The following PDLIM5 variants were observed in gnomAD, a reference collection of about 807,000 sequenced individuals.
The protein encoded by PDLIM5 is PDZ and LIM domain protein 5.
In PDLIM5, 34 loss-of-function variants were observed where a neutral mutation model predicts 64.2. The observed-to-expected ratio is 0.53, with a 90% CI of 0.40 to 0.71. The LOEUF is 0.71. PDLIM5 is among the 30% of genes least tolerant of loss of function. The pLI, the probability that PDLIM5 is intolerant of heterozygous loss-of-function variation, is 0.00. For synonymous variants in PDLIM5, 253 were observed against 269.1 expected, an observed-to-expected ratio of 0.94 and a Z score of 0.59; for missense variants, 683 against 733.6, an observed-to-expected ratio of 0.93 and a Z score of 0.80.
At chr4:94,517,628 C>T (rs1245869949) in intron 2 of PDLIM5, among the ~76,000 whole-genome samples, 1 of 152,132 alleles carries the variant, frequency 6.6e-6, no homozygotes, top group African/African-American at 2.4e-5. Context: ...TGGGAAATTT[C>T]TGTTAGTGTT....
At chr4:94,604,896 A>T (rs1737794340) in intron 7 of PDLIM5, among the ~76,000 whole-genome samples, 1 of 152,210 alleles carries the variant, frequency 6.6e-6, no homozygotes, top group African/African-American at 2.4e-5. Flanking sequence ...CAAATTGTCC[A>T]TTGAATTTAG....
intron 2 of PDLIM5, among the ~76,000 whole-genome samples, chr4:94,504,337 G>A (rs145547737): frequency 0.023 from 3,530 of 151,838 alleles, 143 homozygotes; most frequent in African/African-American, 0.081. Flanking sequence ...CACCAGGTTG[G>A]AGTGCGGTGG....
intron 8 of PDLIM5, 148 bp downstream of exon 8, chr4:94,618,339 A>T (rs976360436): frequency 1.0e-5 from 5 of 478,808 alleles, no homozygotes; most frequent in Non-Finnish European, 1.8e-5. Context: ...AACTATAGCT[A>T]TTTTTCTCTC....
At chr4:94,513,866 T>TA (rs1287638854) in intron 2 of PDLIM5, among the ~76,000 whole-genome samples, 2 of 152,168 alleles carry the variant, frequency 1.3e-5, no homozygotes, top group African/African-American at 4.8e-5. Context: ...GGGTCTGTCA[T>TA]ATATGGCTTT....
intron 8 of PDLIM5, among the ~76,000 whole-genome samples, chr4:94,620,546 A>C (rs974308537): frequency 6.6e-6 from 1 of 152,046 alleles, no homozygotes; most frequent in Non-Finnish European, 1.5e-5. Flanking sequence ...TCTCCAAAAA[A>C]AAAATGGTCA....
At chr4:94,472,583 G>A (rs766549195) in intron 2 of PDLIM5, among the ~76,000 whole-genome samples, 4 of 152,192 alleles carry the variant, frequency 2.6e-5, no homozygotes, top group Non-Finnish European at 5.9e-5. Flanking sequence ...TGCTTTCTAG[G>A]TGTTTTTCCA....
At chr4:94,550,202 G>T (rs931347414) in intron 3 of PDLIM5, among the ~76,000 whole-genome samples, 3 of 151,992 alleles carry the variant, frequency 2.0e-5, no homozygotes, top group Non-Finnish European at 2.9e-5. Context: ...CATCTCCCTT[G>T]TCTTAAATAT....
chr4:94,630,132 T>C (rs1207016912), intron 8 of PDLIM5, among the ~76,000 whole-genome samples: 1 of 152,208 alleles, frequency 6.6e-6, no homozygotes, highest in Non-Finnish European at 1.5e-5. Context: ...ACCATACCAC[T>C]GAGAACATAT....
chr4:94,540,221 C>A (rs1312386154), intron 3 of PDLIM5, among the ~76,000 whole-genome samples: 1 of 151,624 alleles, frequency 6.6e-6, no homozygotes, highest in African/African-American at 2.4e-5. Context: ...AGCTCTGCCT[C>A]CCGGGTTCAC....
At chr4:94,559,189 A>G (rs765904637) in intron 3 of PDLIM5, among the ~76,000 whole-genome samples, 1 of 152,180 alleles carries the variant, frequency 6.6e-6, no homozygotes, top group Non-Finnish European at 1.5e-5. Context: ...AATTTCGGAA[A>G]CTAGTTTCTT....
chr4:94,553,427 A>C (rs1560697733), intron 3 of PDLIM5, among the ~76,000 whole-genome samples: 1 of 152,164 alleles, frequency 6.6e-6, no homozygotes, highest in Non-Finnish European at 1.5e-5. Flanking sequence ...GGTTTTAGTT[A>C]TTAGCGTCTG....
chr4:94,540,550 G>C (rs1264187146), intron 3 of PDLIM5, among the ~76,000 whole-genome samples: 6 of 152,294 alleles, frequency 3.9e-5, no homozygotes, highest in Middle Eastern at 3.4e-3. Flanking sequence ...AAAGAGACCA[G>C]TTAGAGGAGA....
At chr4:94,549,682 C>T (rs556622825) in intron 3 of PDLIM5, 9 of 152,186 alleles carry the variant, frequency 5.9e-5, no homozygotes, top group African/African-American at 1.9e-4. Context: ...TATCTGTGTA[C>T]GTTTGTAGAT....
intron 9 of PDLIM5, 59 bp from the exon 10 acceptor site, chr4:94,654,401 C>T (rs932567396): frequency 8.9e-6 from 10 of 1,119,538 alleles, no homozygotes; most frequent in Admixed American, 1.8e-5. Context: ...AGGTCCATAT[C>T]CAGGCTAACT....
chr4:94,663,672 G>T (rs1742913405), intron 12 of PDLIM5, among the ~76,000 whole-genome samples: 1 of 152,116 alleles, frequency 6.6e-6, no homozygotes, highest in African/African-American at 2.4e-5. Context: ...TATTTAACGA[G>T]CCCCCTTTCT....
chr4:94,535,543 A>G (rs1578327095), intron 3 of PDLIM5, among the ~76,000 whole-genome samples: 1 of 151,536 alleles, frequency 6.6e-6, no homozygotes, highest in Non-Finnish European at 1.5e-5. Flanking sequence ...CCTTGCCTGA[A>G]CCTCCCACTT....
Position 94,666,059 on chromosome 4 carries a change from A to T in PDLIM5, c.*1992A>T. 2 of 1,527,218 alleles carry T rather than the reference A, an allele frequency of 1.3e-6. No homozygotes were observed. The highest frequency in any genetic ancestry group is 1.8e-6 in the Non-Finnish European group (2 of 1,140,444). The allele number at this position is 1,527,218 out of a possible 1,614,324, so 94.6% of individuals were successfully genotyped here. On this transcript the variant is annotated 3_prime_UTR_variant, in exon 13 of 13. Transcript: ENST00000317968. ...AAGTCCATGAACCTCCTAAGTTATA[A>T]TTTAAATTTGTTTGGGGCAAGGTGA...
At chr4:94,555,842 G>A (rs1385858022) in intron 3 of PDLIM5, among the ~76,000 whole-genome samples, 1 of 151,598 alleles carries the variant, frequency 6.6e-6, no homozygotes, top group African/African-American at 2.4e-5. Context: ...TATAGATGAG[G>A]AAACTAATTT....
At chr4:94,608,999 A>G (rs1290928240) in intron 7 of PDLIM5, among the ~76,000 whole-genome samples, 1 of 152,322 alleles carries the variant, frequency 6.6e-6, no homozygotes, top group South Asian at 2.1e-4. Flanking sequence ...TTAATTCTGT[A>G]TCATTTTGAA....
Sources: allele counts gnomAD v4.1 joint callset (sites outside exome capture counted in the v4.1 genomes callset), GRCh38; gene constraint gnomAD v4.1.1; transcripts MANE v1.5; gene names NCBI Gene and HGNC (gene_info 2026-07-23, HGNC 2026-07-21).